The following KIRREL1 variants were observed in gnomAD, a reference collection of about 807,000 sequenced individuals.
KIRREL1 encodes kin of IRRE-like protein 1.
In KIRREL1, 25 loss-of-function variants were observed where a neutral mutation model predicts 83.3. The observed-to-expected ratio is 0.30, with a 90% CI of 0.22 to 0.42. The LOEUF (loss-of-function observed/expected upper bound fraction) is 0.42, where lower values mean the gene tolerates loss of function less well. KIRREL1 is among the 10% of genes least tolerant of loss of function. The pLI, the probability that KIRREL1 is intolerant of heterozygous loss-of-function variation, is 1.00. For missense variants in KIRREL1, 812 were observed against 1,032.3 expected (o/e 0.79, Z 2.92); for synonymous variants, 388 against 410.4 (o/e 0.95, Z 0.66).
In KIRREL1 at chr1:157,995,589, T is replaced by A. The variant is rs571180834; in HGVS notation, c.52+1861T>A. On this transcript the variant is annotated intron_variant, in intron 1 of 14. Transcript: ENST00000359209. ...CTGTCCCTTTCTTACAGCCCTTACA[T>A]GTCAGCATCATGGATACAAATGAGT... Among the ~76,000 whole-genome samples, 3 of 152,278 alleles carry A rather than the reference T, an allele frequency of 2.0e-5. No homozygotes were observed. In the East Asian group the frequency reaches 5.8e-4, roughly 29 times the overall value.
intron 1 of KIRREL1, among the ~76,000 whole-genome samples, chr1:158,065,624 A>G (rs1405693779): frequency 6.6e-6 from 1 of 152,152 alleles, no homozygotes; most frequent in Non-Finnish European, 1.5e-5. Context: ...GGAGACACAA[A>G]GGCCCTGTCC....
rs776572461 is a variant in KIRREL1 at position 158,094,883 on chromosome 1, C to T, written c.2037C>T (p.Thr679=). The T allele has an allele frequency of 3.6e-5, 58 of 1,613,912 alleles. No individual in the cohort carries two copies. Among genetic ancestry groups the T allele is most frequent in the Non-Finnish European group, 4.6e-5 (54 of 1,179,942 alleles). Residue 679 remains threonine, a synonymous_variant, in exon 15 of 15, where the codon ACC becomes ACT. Coordinates refer to ENST00000359209, the MANE Select transcript of KIRREL1 (RefSeq NM_018240.7). This position sits in a 1 kb window ranked among gnomAD's most constrained non-coding sequence, Gnocchi z 4.6. ...GPAAPAGTDT[T]SQLSYENYEK... The stretch of plus-strand genomic sequence containing the variant: ...CTGCCCCAGCTGGCACTGACACAAC[C>T]AGCCAGCTGTCCTACGAGAACTATG...
chr1:158,084,998 G>T (rs966273451), intron 4 of KIRREL1, among the ~76,000 whole-genome samples: 1 of 152,180 alleles, frequency 6.6e-6, no homozygotes, highest in Admixed American at 6.5e-5. Context: ...GGCACAGAGC[G>T]GGGGTTTGTA....
intron 2 of KIRREL1, among the ~76,000 whole-genome samples, 157 bp from the exon 3 acceptor site, chr1:158,077,834 C>T (rs1331607216): frequency 1.3e-5 from 2 of 152,210 alleles, no homozygotes; most frequent in East Asian, 1.9e-4. Flanking sequence ...CCAGCCTCGC[C>T]GTGAGGTGTC....
intron 1 of KIRREL1, among the ~76,000 whole-genome samples, chr1:158,049,454 G>A (rs141881702): frequency 4.6e-5 from 7 of 152,288 alleles, no homozygotes; most frequent in Admixed American, 2.6e-4. Context: ...ATGGTTTGGC[G>A]TGTGCACACG....
At chr1:158,002,363 C>T (rs1659385447) in intron 1 of KIRREL1, among the ~76,000 whole-genome samples, 1 of 152,214 alleles carries the variant, frequency 6.6e-6, no homozygotes, top group Admixed American at 6.5e-5. Context: ...GGTTTAGTCC[C>T]TTCAGGGTCA....
chr1:158,094,514 A>T lies in KIRREL1; in HGVS notation c.1797+124A>T. 1 of 1,275,502 alleles carries T rather than the reference A, an allele frequency of 7.8e-7. No individual in the cohort carries two copies. The highest frequency in any genetic ancestry group is 1.2e-5 in the South Asian group (1 of 82,592). 79.0% of individuals were successfully genotyped at this position (1,275,502 alleles called of 1,614,324 possible). On this transcript the variant is annotated intron_variant, in intron 14 of 14. Coordinates refer to ENST00000359209, the MANE Select transcript of KIRREL1 (RefSeq NM_018240.7). This position sits in a 1 kb window ranked among gnomAD's most constrained non-coding sequence, Gnocchi z 4.6. ...GAGTGGTTGGGAGGGTTTTTGAAGG[A>T]GCAGAGGAGGTGGAATGCTAGATGG...
In KIRREL1 at chr1:158,081,124, G is replaced by A. The variant is rs1256891139; in HGVS notation, c.352+2984G>A. On this transcript the variant is annotated intron_variant, in intron 3 of 14. Coordinates refer to ENST00000359209, the MANE Select transcript of KIRREL1 (RefSeq NM_018240.7). Reference sequence around the variant, plus strand: ...TTGAAAAGAAGCCTCCCACTCCCCCGCAGATGCAGACATAACATAGATATA... The same window carrying A: ...TTGAAAAGAAGCCTCCCACTCCCCCACAGATGCAGACATAACATAGATATA... Among the ~76,000 whole-genome samples the A allele has an allele frequency of 2.8e-5, 4 of 141,530 alleles. 1 individual carries two copies. Among genetic ancestry groups the A allele is most frequent in the South Asian group, 2.3e-4 (1 of 4,404 alleles). The allele number at this position is 141,530 out of a possible 152,430, so 92.8% of individuals were successfully genotyped here.
chr1:157,993,781 C>A, intron 1 of KIRREL1, 53 bp downstream of exon 1: 1 of 1,242,242 alleles, frequency 8.0e-7, no homozygotes, highest in Non-Finnish European at 1.1e-6. Flanking sequence ...GGGGCCGGGG[C>A]ACTGCTTCCC....
At chr1:158,007,792 C>G (rs1659561496) in intron 1 of KIRREL1, among the ~76,000 whole-genome samples, 1 of 151,986 alleles carries the variant, frequency 6.6e-6, no homozygotes, top group Non-Finnish European at 1.5e-5. Context: ...AGCCCTGCAG[C>G]TGGCCATCCA....
intron 1 of KIRREL1, among the ~76,000 whole-genome samples, chr1:158,065,675 T>A (rs1480901187): frequency 6.6e-6 from 1 of 152,104 alleles, no homozygotes; most frequent in African/African-American, 2.4e-5. Context: ...GCCCACCTCA[T>A]TCTCTTCTCT....
intron 1 of KIRREL1, among the ~76,000 whole-genome samples, chr1:157,995,527 G>C (rs1557981929): frequency 6.6e-6 from 1 of 152,146 alleles, no homozygotes; most frequent in Non-Finnish European, 1.5e-5. Flanking sequence ...GGAGGCCCCT[G>C]GGTCAGTATT....
chr1:158,065,039 CAG>C (rs1661323596), intron 1 of KIRREL1, among the ~76,000 whole-genome samples: 1 of 147,134 alleles, frequency 6.8e-6, no homozygotes, highest in African/African-American at 2.5e-5. Flanking sequence ...AAATTAGAAA[CAG>C]AGAGGGGTCC....
intron 1 of KIRREL1, among the ~76,000 whole-genome samples, chr1:157,999,206 A>G (rs1332524221): frequency 5.3e-5 from 8 of 152,126 alleles, no homozygotes. Flanking sequence ...CCTTGCTTTG[A>G]TGATCATTTG....
At chr1:158,077,273 T>C (rs936558164) in intron 2 of KIRREL1, among the ~76,000 whole-genome samples, 1 of 152,056 alleles carries the variant, frequency 6.6e-6, no homozygotes, top group African/African-American at 2.4e-5. Flanking sequence ...GTAGATCTAT[T>C]GATGATAGAA....
At chr1:158,024,292 T>C (rs1441466519) in intron 1 of KIRREL1, among the ~76,000 whole-genome samples, 1 of 34,654 alleles carries the variant, frequency 2.9e-5, no homozygotes, top group Non-Finnish European at 6.7e-5. Flanking sequence ...TTTTTTTTTT[T>C]TTTTGAGACA....
chr1:158,037,620 A>G (rs1402519450), intron 1 of KIRREL1, among the ~76,000 whole-genome samples: 1 of 152,068 alleles, frequency 6.6e-6, no homozygotes, highest in Admixed American at 6.6e-5. Flanking sequence ...TCAATAAATG[A>G]CCATTATTTT....
intron 1 of KIRREL1, among the ~76,000 whole-genome samples, chr1:158,043,261 G>A (rs1303673324): frequency 6.6e-6 from 1 of 152,142 alleles, no homozygotes; most frequent in African/African-American, 2.4e-5. Context: ...GAAAGCTCCT[G>A]AAAACTGAAA....
intron 1 of KIRREL1, among the ~76,000 whole-genome samples, chr1:157,998,373 C>T (rs952493883): frequency 1.3e-5 from 2 of 152,094 alleles, no homozygotes; most frequent in African/African-American, 2.4e-5. Context: ...TAAACTCATT[C>T]AAATTTAAAA....
Sources: allele counts gnomAD v4.1 joint callset (sites outside exome capture counted in the v4.1 genomes callset), GRCh38; gene constraint gnomAD v4.1.1; non-coding constraint Gnocchi (gnomAD v3.1); transcripts MANE v1.5; gene names NCBI Gene and HGNC (gene_info 2026-07-23, HGNC 2026-07-21).